AAMDC: variants seen among roughly 807,000 people sequenced by gnomAD.
AAMDC encodes the protein mth938 domain-containing protein.
A neutral mutation model predicts 15.5 loss-of-function variants in AAMDC; 16 were observed. That is an observed-to-expected ratio of 1.03 (90% CI 0.70 to 1.57). The LOEUF (loss-of-function observed/expected upper bound fraction) is 1.57. Ranked by LOEUF, AAMDC falls within the 40% of genes most tolerant of loss-of-function variation. The pLI, the probability that AAMDC is intolerant of heterozygous loss-of-function variation, is 0.00. For missense variants in AAMDC, 141 were observed against 144.9 expected (o/e 0.97, Z 0.14); for synonymous variants, 51 against 51.6 (o/e 0.99, Z 0.05).
rs1948879797 is a variant in AAMDC, at chr11:77,821,185, G to C, written c.-75G>C. 2.8e-6 allele frequency: 1 copy of C among 356,070 alleles called. No homozygotes were observed. Among genetic ancestry groups the C allele is most frequent in the African/African-American group, 2.1e-5 (1 of 47,586 alleles). 22.1% of individuals were successfully genotyped at this position (356,070 alleles called of 1,614,324 possible). On this transcript the variant is annotated 5_prime_UTR_variant, in exon 1 of 4. Transcript: ENST00000393427. The stretch of plus-strand genomic sequence containing the variant: ...TCCCGAAGCAGCGCTGGGAGCGTAA[G>C]TGCGGGCAGAGCACTGCGCCGTTTG...
chr11:77,884,237 A>C (rs1460223039), intron 5 of AAMDC, among the ~76,000 whole-genome samples: 2 of 152,108 alleles, frequency 1.3e-5, no homozygotes, highest in African/African-American at 2.4e-5. Context: ...TTATTATGAA[A>C]AGTGTTCTCA....
intron 2 of AAMDC, among the ~76,000 whole-genome samples, chr11:77,861,114 T>C (rs77922733): frequency 0.013 from 1,982 of 152,222 alleles, 41 homozygotes; most frequent in African/African-American, 0.046. Flanking sequence ...TTTTTGCTCG[T>C]CCATATTGTC....
chr11:77,861,046 T>C (rs528373478), intron 2 of AAMDC, among the ~76,000 whole-genome samples: 2 of 152,184 alleles, frequency 1.3e-5, no homozygotes, highest in Non-Finnish European at 2.9e-5. Flanking sequence ...AAGCGGGTAT[T>C]GCCTTTGGTA....
intron 1 of AAMDC, among the ~76,000 whole-genome samples, chr11:77,827,502 G>T (rs770014750): frequency 2.0e-5 from 3 of 152,088 alleles, no homozygotes; most frequent in Non-Finnish European, 4.4e-5. Context: ...TCAATATATT[G>T]TAATATATTT....
chr11:77,852,970 T>C (rs1161029695), intron 2 of AAMDC, among the ~76,000 whole-genome samples: 6 of 152,212 alleles, frequency 3.9e-5, no homozygotes, highest in Non-Finnish European at 7.3e-5. Context: ...GCTTTCAATA[T>C]TTTAGTACTA....
chr11:77,844,002 C>T (rs768344242), intron 2 of AAMDC, among the ~76,000 whole-genome samples: 43 of 152,050 alleles, frequency 2.8e-4, no homozygotes, highest in Non-Finnish European at 5.1e-4. Context: ...AAAGACCCAC[C>T]CCCATAATTC....
At chr11:77,829,996 T>A (rs922215066) in intron 1 of AAMDC, 14 of 152,166 alleles carry the variant, frequency 9.2e-5, no homozygotes, top group African/African-American at 3.4e-4. Flanking sequence ...CCAGACATGG[T>A]GATGCACACC....
intron 1 of AAMDC, among the ~76,000 whole-genome samples, chr11:77,828,281 A>G (rs1312173366): frequency 1.3e-5 from 2 of 152,112 alleles, no homozygotes; most frequent in Non-Finnish European, 2.9e-5. Flanking sequence ...TCTCAAAAAA[A>G]CAAAATACAC....
chr11:77,847,724 C>A (rs192410228), intron 2 of AAMDC, among the ~76,000 whole-genome samples: 190 of 152,280 alleles, frequency 1.2e-3, no homozygotes, highest in African/African-American at 4.3e-3. Context: ...ATATTGTATT[C>A]AGTTAATAAG....
At chr11:77,830,987 C>CAAAAAAAAAA (rs59283485) in intron 1 of AAMDC, among the ~76,000 whole-genome samples, 4 of 100,502 alleles carry the variant, frequency 4.0e-5, no homozygotes, top group Non-Finnish European at 6.1e-5. Context: ...CAAAATATAC[C>CAAAAAAAAAA]AAAAAAAAAA....
intron 2 of AAMDC, among the ~76,000 whole-genome samples, chr11:77,867,757 C>A (rs1272149114): frequency 1.3e-5 from 2 of 152,166 alleles, no homozygotes; most frequent in Admixed American, 6.5e-5. Flanking sequence ...AAGAAGCTAC[C>A]ATCCTTTAAT....
At chr11:77,835,956 C>A (rs1949664429) in intron 1 of AAMDC, among the ~76,000 whole-genome samples, 1 of 151,874 alleles carries the variant, frequency 6.6e-6, no homozygotes, top group African/African-American at 2.4e-5. Context: ...AGTAGAATGG[C>A]AAAGTGAATT....
chr11:77,885,297 G>C (rs560412909), intron 5 of AAMDC, among the ~76,000 whole-genome samples: 1 of 151,576 alleles, frequency 6.6e-6, no homozygotes, highest in African/African-American at 2.4e-5. Context: ...GGTTGGTCTC[G>C]AACTCCTGAC....
At chr11:77,869,667 A>C in intron 2 of AAMDC, 55 bp from the exon 3 acceptor site, 1 of 1,479,310 alleles carries the variant, frequency 6.8e-7, no homozygotes, top group Non-Finnish European at 9.4e-7. Flanking sequence ...AAGAATGCCT[A>C]TTGCAATGAA....
rs139576778 is a variant in AAMDC, at chr11:77,900,100, C to CTT, written c.329-460_329-459dup. ...ATTTGTTAAATGAATATATGAATATCTTTTTTTTTTTTATATAAAGATGGA... is the reference window on the plus strand; with the variant it reads ...ATTTGTTAAATGAATATATGAATATCTTTTTTTTTTTTTTATATAAAGATGGA... On this transcript the variant is annotated intron_variant, in intron 5 of 5. Coordinates refer to the AAMDC transcript ENST00000304716. 3.6e-3 allele frequency among the ~76,000 whole-genome samples: 525 copies of CTT among 147,526 alleles called. 1 individual carries two copies. Among genetic ancestry groups the CTT allele is most frequent in the Non-Finnish European group, 5.8e-3 (383 of 66,566 alleles).
At chr11:77,852,334 G>T (rs979730830) in intron 2 of AAMDC, among the ~76,000 whole-genome samples, 5 of 151,810 alleles carry the variant, frequency 3.3e-5, no homozygotes, top group South Asian at 2.1e-4. Flanking sequence ...ACGGAATTTG[G>T]TTTATTTGTT....
At chr11:77,826,453 C>T (rs1449479920) in intron 1 of AAMDC, among the ~76,000 whole-genome samples, 1 of 151,988 alleles carries the variant, frequency 6.6e-6, no homozygotes, top group Non-Finnish European at 1.5e-5. Context: ...TTAAATAATT[C>T]AGAACAGGGA....
chr11:77,846,711 A>G (rs1424281109), intron 2 of AAMDC, among the ~76,000 whole-genome samples: 1 of 152,192 alleles, frequency 6.6e-6, no homozygotes, highest in Non-Finnish European at 1.5e-5. Flanking sequence ...CATCTCATAA[A>G]AAGAAATTAG....
chr11:77,889,488 T>C (rs184979926), intron 5 of AAMDC, among the ~76,000 whole-genome samples: 5 of 152,208 alleles, frequency 3.3e-5, no homozygotes, highest in Middle Eastern at 3.4e-3. Context: ...ATGGCACATG[T>C]ATACAGATGT....
Sources: gnomAD v4.1 joint callset for allele counts (sites outside exome capture counted in the v4.1 genomes callset) on GRCh38, gnomAD v4.1.1 for gene constraint, MANE v1.5 for transcripts, NCBI Gene and HGNC (gene_info 2026-07-23, HGNC 2026-07-21) for gene names.